MYH13: variants seen among roughly 807,000 people sequenced by gnomAD.
MYH13 encodes the protein myosin-13.
MYH13 carries 177 observed loss-of-function variants against 232.1 expected under a neutral mutation model. That is an observed-to-expected ratio of 0.76 (90% CI 0.67 to 0.86). MYH13 has a LOEUF of 0.86. Ranked by LOEUF, MYH13 falls within the 40% of genes least tolerant of loss-of-function variation. The probability of loss-of-function intolerance (pLI) is 0.00; values close to 1 mark genes in which losing one functional copy is unlikely to be tolerated. For synonymous variants in MYH13, 884 were observed against 923.5 expected, an observed-to-expected ratio of 0.96 and a Z score of 0.78; for missense variants, 2,246 against 2,405.9, an observed-to-expected ratio of 0.93 and a Z score of 1.39.
At chr17:10,350,463 A>G (rs1033917836) in intron 12 of MYH13, 93 bp downstream of exon 12, 1 of 1,510,604 alleles carries the variant, frequency 6.6e-7, no homozygotes, top group East Asian at 2.3e-5. Flanking sequence ...TTGGAAGAAC[A>G]GCTCTTGAAA....
chr17:10,310,888 C>T (rs1231288763), intron 33 of MYH13, among the ~76,000 whole-genome samples: 6 of 152,088 alleles, frequency 3.9e-5, no homozygotes, highest in African/African-American at 1.2e-4. Flanking sequence ...ACATAATGAA[C>T]ACATTTATTT....
intron 16 of MYH13, among the ~76,000 whole-genome samples, chr17:10,341,676 G>C (rs1053734926): frequency 1.3e-5 from 2 of 152,142 alleles, no homozygotes; most frequent in Admixed American, 1.3e-4. Flanking sequence ...GATTGGGGAA[G>C]TGAAGGCAGG....
chr17:10,360,134 A>G (rs763381188), intron 6 of MYH13, 27 bp downstream of exon 6: 1 of 1,614,088 alleles, frequency 6.2e-7, no homozygotes, highest in African/African-American at 1.3e-5. Context: ...TTTCCAAGTC[A>G]TGATGGTACA....
At chr17:10,307,567 T>C (rs1169282748) in intron 35 of MYH13, among the ~76,000 whole-genome samples, 1 of 152,012 alleles carries the variant, frequency 6.6e-6, no homozygotes, top group Non-Finnish European at 1.5e-5. Flanking sequence ...GAAATTCAAA[T>C]GGCCAACAAA....
intron 23 of MYH13, among the ~76,000 whole-genome samples, chr17:10,322,788 C>T (rs1400308930): frequency 1.3e-5 from 2 of 152,026 alleles, no homozygotes; most frequent in Non-Finnish European, 2.9e-5. Flanking sequence ...CGTCCGCCAC[C>T]ACGCCCGGCT....
intron 1 of MYH13, among the ~76,000 whole-genome samples, chr17:10,372,662 T>G (rs1447437143): frequency 1.4e-4 from 21 of 152,242 alleles, no homozygotes; most frequent in Non-Finnish European, 1.5e-5. Context: ...CAAGTTAATT[T>G]GCTAACTGAA....
chr17:10,360,962 T>C (rs1048963556), intron 5 of MYH13, among the ~76,000 whole-genome samples: 5 of 152,072 alleles, frequency 3.3e-5, no homozygotes, highest in African/African-American at 1.2e-4. Flanking sequence ...GAGAGAGACA[T>C]GGGCCAGATT....
chr17:10,357,207 C>G (rs918254778), intron 8 of MYH13, among the ~76,000 whole-genome samples: 6 of 152,162 alleles, frequency 3.9e-5, no homozygotes, highest in African/African-American at 1.4e-4. Context: ...AGTGATCCGC[C>G]CCCCTCAGCC....
intron 2 of MYH13, among the ~76,000 whole-genome samples, chr17:10,367,600 C>T (rs1211718035): frequency 6.6e-6 from 1 of 152,180 alleles, no homozygotes; most frequent in Non-Finnish European, 1.5e-5. Context: ...CCTCCCGCCT[C>T]AGCTTCCCAA....
At chr17:10,315,636 G>A (rs538010628) in intron 29 of MYH13, 57 bp downstream of exon 29, 43 of 1,449,116 alleles carry the variant, frequency 3.0e-5, no homozygotes, top group African/African-American at 5.6e-5. Flanking sequence ...CCAGCTTCAC[G>A]GGTGAAGTGG....
intron 22 of MYH13, among the ~76,000 whole-genome samples, chr17:10,327,024 C>T (rs1597379407): frequency 1.0e-4 from 1 of 9,996 alleles, no homozygotes; most frequent in South Asian, 3.3e-3. Flanking sequence ...TTTTTTGAGA[C>T]GGAGTCTCGC....
intron 11 of MYH13, among the ~76,000 whole-genome samples, chr17:10,353,930 A>AGG (rs1480818035): frequency 3.0e-5 from 4 of 131,794 alleles, no homozygotes; most frequent in Non-Finnish European, 6.8e-5. Flanking sequence ...GAAGGAAGGA[A>AGG]AGAAGGAAGG....
chr17:10,360,275 ATAGGCT>A, intron 5 of MYH13, 87 bp from the exon 6 acceptor site: 1 of 1,452,074 alleles, frequency 6.9e-7, no homozygotes, highest in East Asian at 2.4e-5. Context: ...GTTGGAGAAC[ATAGGCT>A]CTAGTTAATG....
intron 20 of MYH13, 93 bp from the exon 21 acceptor site, chr17:10,330,616 T>C: frequency 1.3e-6 from 2 of 1,489,596 alleles, no homozygotes. Flanking sequence ...ACTCTGAGGC[T>C]CAACTCTCAG....
intron 11 of MYH13, among the ~76,000 whole-genome samples, chr17:10,353,208 C>T (rs1022935581): frequency 3.9e-5 from 6 of 152,172 alleles, no homozygotes; most frequent in African/African-American, 1.4e-4. Flanking sequence ...CTCTCTGAGC[C>T]TCTCCAGGTG....
At chr17:10,305,990 T>C (rs1906266979) in intron 37 of MYH13, among the ~76,000 whole-genome samples, 1 of 152,098 alleles carries the variant, frequency 6.6e-6, no homozygotes, top group Admixed American at 6.5e-5. Context: ...AACCTGAGAT[T>C]GGGAGAAAAC....
At chr17:10,361,557 G>A (rs192922167) in intron 5 of MYH13, among the ~76,000 whole-genome samples, 2 of 152,264 alleles carry the variant, frequency 1.3e-5, no homozygotes, top group African/African-American at 4.8e-5. Flanking sequence ...GCCTCCCAAA[G>A]TGCTGGGATT....
chr17:10,360,945 G>A (rs2071787442), intron 5 of MYH13, among the ~76,000 whole-genome samples: 1 of 152,242 alleles, frequency 6.6e-6, no homozygotes, highest in East Asian at 1.9e-4. Context: ...AACCATAGAA[G>A]CTAGGAGAGA....
In MYH13 at chr17:10,312,644, A is replaced by G; in HGVS notation, c.4295T>C (p.Leu1432Pro). The change falls in exon 31 of 41, where the codon CTG becomes CCG. Residue 1432 changes from leucine to proline, a missense_variant. Transcript: ENST00000252172. ...KQRLQGEVEDLMRDLERSHTA... is the reference protein window; with the variant it reads ...KQRLQGEVEDPMRDLERSHTA... ...GTGGGAGCGCTCCAGATCCCGCATC[A>G]GATCCTCCACCTCTCCCTGCAGCCT... 1 of 1,613,456 alleles carries G rather than the reference A, an allele frequency of 6.2e-7. No individual in the cohort carries two copies. The highest frequency in any genetic ancestry group is 8.5e-7 in the Non-Finnish European group (1 of 1,179,736).
Sources: allele counts gnomAD v4.1 joint callset (sites outside exome capture counted in the v4.1 genomes callset), GRCh38; gene constraint gnomAD v4.1.1; transcripts MANE v1.5; gene names NCBI Gene and HGNC (gene_info 2026-07-23, HGNC 2026-07-21).